Variants in LPCAT1 observed in about 807,000 individuals in gnomAD.
The protein encoded by LPCAT1 is lysophosphatidylcholine acyltransferase 1, also known as 1-acylglycerol-3-phosphate O-acyltransferase.
In LPCAT1, 23 loss-of-function variants were observed where a neutral mutation model predicts 60.9. That is an observed-to-expected ratio of 0.38 (90% confidence interval 0.27 to 0.53). LPCAT1 has a LOEUF of 0.53. Ranked by LOEUF, LPCAT1 falls within the 20% of genes least tolerant of loss-of-function variation. The pLI is 0.82. For missense variants in LPCAT1, 622 were observed against 723.6 expected, an observed-to-expected ratio of 0.86 and a Z score of 1.61; for synonymous variants, 340 against 301.1, an observed-to-expected ratio of 1.13 and a Z score of -1.34.
chr5:1,514,431 T>C (rs1736444280), intron 1 of LPCAT1, among the ~76,000 whole-genome samples: 1 of 152,216 alleles, frequency 6.6e-6, no homozygotes, highest in African/African-American at 2.4e-5. Flanking sequence ...TCTTCAGTAC[T>C]GTTCCTTCGA....
intron 1 of LPCAT1, among the ~76,000 whole-genome samples, chr5:1,509,680 A>G (rs1435092349): frequency 6.6e-6 from 1 of 152,064 alleles, no homozygotes; most frequent in Non-Finnish European, 1.5e-5. Flanking sequence ...CTCCCCAATC[A>G]CCAAAACACC....
chr5:1,473,395 C>T (rs1448888019), intron 11 of LPCAT1, among the ~76,000 whole-genome samples: 1 of 152,264 alleles, frequency 6.6e-6, no homozygotes, highest in Non-Finnish European at 1.5e-5. Context: ...CGTGCCACCT[C>T]GCACCTTCCT....
At chr5:1,492,962 G>T (rs192368833) in intron 3 of LPCAT1, among the ~76,000 whole-genome samples, 1 of 152,238 alleles carries the variant, frequency 6.6e-6, no homozygotes, top group African/African-American at 2.4e-5. Context: ...TGCCACAGTG[G>T]GGGGGCAAAT....
In LPCAT1 at chr5:1,523,579, A is replaced by AGGCGCCGCGGCTCGCAGGGC; in HGVS notation, c.135+111_135+130dup. 1 of 531,070 alleles carries AGGCGCCGCGGCTCGCAGGGC rather than the reference A, an allele frequency of 1.9e-6. No individual in the cohort carries two copies. 32.9% of individuals were successfully genotyped at this position (531,070 alleles called of 1,614,324 possible). A position where few individuals can be genotyped will look rare whatever the true frequency, so the allele number is the denominator to read the frequency against. On this transcript the variant is annotated intron_variant, in intron 1 of 13. Transcript: ENST00000283415. The surrounding 1 kb of genome is among the most constrained non-coding windows in gnomAD (Gnocchi z 7.1). ...ACTGAGGGGCGGCCGCGGGGAGGGA[A>AGGCGCCGCGGCTCGCAGGGC]GGCGCCGCGGCTCGCAGGGCCGCGC... is the stretch of plus-strand genomic sequence containing the variant.
chr5:1,462,605 G>A lies in LPCAT1; in HGVS notation c.*1046C>T, dbSNP rs10630. On this transcript the variant is annotated 3_prime_UTR_variant, in exon 14 of 14. Transcript: ENST00000283415. ...CTCTGCAGGAAGGTCAGCCATACTC[G>A]GGTGGCAGCGTGACGCCAGTCACCA... 0.68 allele frequency: 103,509 copies of A among 152,168 alleles called. 35,416 individuals carry two copies. Among genetic ancestry groups the A allele is most frequent in the South Asian group, 0.8 (3,852 of 4,814 alleles). 9.4% of individuals were successfully genotyped at this position (152,168 alleles called of 1,614,324 possible). A position where few individuals can be genotyped will look rare whatever the true frequency, so the allele number is the denominator to read the frequency against.
intron 2 of LPCAT1, among the ~76,000 whole-genome samples, chr5:1,500,226 T>C (rs1248091558): frequency 3.9e-5 from 6 of 152,194 alleles, no homozygotes; most frequent in African/African-American, 1.4e-4. Context: ...CATGGAAGGG[T>C]TGTCAGAGCT....
chr5:1,481,035 G>A lies in LPCAT1; in HGVS notation c.727-59C>T. 6.8e-7 allele frequency: 1 copy of A among 1,467,094 alleles called. No homozygotes were observed. Among genetic ancestry groups the A allele is most frequent in the South Asian group, 1.2e-5 (1 of 86,888 alleles). 90.9% of individuals were successfully genotyped at this position (1,467,094 alleles called of 1,614,324 possible). A position where few individuals can be genotyped will look rare whatever the true frequency, so the allele number is the denominator to read the frequency against. ...GGCCTGCACCCAGGGCCTGCACCAAGCACCTGCGTGTGCCGGCCTCTCCCT... is the reference window on the plus strand; with the variant it reads ...GGCCTGCACCCAGGGCCTGCACCAAACACCTGCGTGTGCCGGCCTCTCCCT... On this transcript the variant is annotated intron_variant, in intron 6 of 13. Coordinates refer to ENST00000283415, the MANE Select transcript of LPCAT1 (RefSeq NM_024830.5). The surrounding 1 kb of genome is among the most constrained non-coding windows in gnomAD (Gnocchi z 7.8).
At chr5:1,515,567 C>T (rs1268444672) in intron 1 of LPCAT1, among the ~76,000 whole-genome samples, 1 of 151,886 alleles carries the variant, frequency 6.6e-6, no homozygotes, top group African/African-American at 2.4e-5. Context: ...GGCCCAACCC[C>T]CTGGCCTGCC....
In LPCAT1 at chr5:1,474,546, A is replaced by G; in HGVS notation, c.1025+14T>C. The G allele has an allele frequency of 6.2e-7, 1 of 1,613,396 alleles. No individual in the cohort carries two copies. Among genetic ancestry groups the G allele is most frequent in the East Asian group, 2.2e-5 (1 of 44,884 alleles). ...TTCTAGCTAATGCTCAAGGAAGAAG[A>G]ACCAGGTACTCACCCGAGGCCCCGC... is the stretch of plus-strand genomic sequence containing the variant. On this transcript the variant is annotated intron_variant, in intron 10 of 13. Transcript: ENST00000283415.
At chr5:1,482,140 G>A (rs989465425) in intron 6 of LPCAT1, among the ~76,000 whole-genome samples, 6 of 129,742 alleles carry the variant, frequency 4.6e-5, no homozygotes, top group Admixed American at 7.0e-5. Context: ...CCAGTGGGCT[G>A]TGGGGACCTT....
In LPCAT1 at chr5:1,480,907, A is replaced by G; in HGVS notation, c.761+35T>C. The stretch of plus-strand genomic sequence containing the variant: ...GCAGCCCCTACGTGTTCATGGAACA[A>G]CAGGACAAAGAGGACGACACGGCGT... On this transcript the variant is annotated intron_variant, in intron 7 of 13. Coordinates refer to ENST00000283415, the MANE Select transcript of LPCAT1 (RefSeq NM_024830.5). The surrounding 1 kb of genome is among the most constrained non-coding windows in gnomAD (Gnocchi z 6.4). 1 of 1,613,556 alleles carries G rather than the reference A, an allele frequency of 6.2e-7. No individual in the cohort carries two copies. Among genetic ancestry groups the G allele is most frequent in the South Asian group, 1.1e-5 (1 of 91,086 alleles).
At chr5:1,469,470 C>A (rs1418699698) in intron 12 of LPCAT1, among the ~76,000 whole-genome samples, 1 of 152,246 alleles carries the variant, frequency 6.6e-6, no homozygotes, top group Non-Finnish European at 1.5e-5. Context: ...GGTGGCTCTA[C>A]AGCAGGGGCT....
intron 2 of LPCAT1, among the ~76,000 whole-genome samples, chr5:1,500,172 A>C (rs1483113232): frequency 2.0e-5 from 3 of 152,250 alleles, no homozygotes; most frequent in African/African-American, 7.2e-5. Context: ...TCTGAATAAA[A>C]GATTCAGGGA....
chr5:1,487,482 G>A lies in LPCAT1; in HGVS notation c.667+909C>T, dbSNP rs1028286521. 2.0e-5 allele frequency among the ~76,000 whole-genome samples: 3 copies of A among 152,188 alleles called. No individual in the cohort carries two copies. Among genetic ancestry groups the A allele is most frequent in the Admixed American group, 6.5e-5 (1 of 15,288 alleles). On this transcript the variant is annotated intron_variant, in intron 5 of 13. Coordinates refer to ENST00000283415, the MANE Select transcript of LPCAT1 (RefSeq NM_024830.5). The surrounding 1 kb of genome is among the most constrained non-coding windows in gnomAD (Gnocchi z 6.1). Reference sequence around the variant, plus strand: ...AGGAGGGTGGAGGGTGAAAGCACGCGCATCTGAGCTGGAGGAGGATGGCCA... The same window carrying A: ...AGGAGGGTGGAGGGTGAAAGCACGCACATCTGAGCTGGAGGAGGATGGCCA...
At chr5:1,514,367 A>AC (rs1736442289) in intron 1 of LPCAT1, among the ~76,000 whole-genome samples, 1 of 152,206 alleles carries the variant, frequency 6.6e-6, no homozygotes, top group Non-Finnish European at 1.5e-5. Flanking sequence ...CACGGGCCTC[A>AC]CAGCTTCACA....
chr5:1,476,527 A>G lies in LPCAT1; in HGVS notation c.899+877T>C, dbSNP rs1215685981. 6.6e-6 allele frequency among the ~76,000 whole-genome samples: 1 copy of G among 151,966 alleles called. No homozygotes were observed. The highest frequency in any genetic ancestry group is 2.4e-5 in the African/African-American group (1 of 41,322). ...CTGTGTTCCCCTCTGGGCTCTCTGG[A>G]GAGGCGAGTTCCCAGCCATGCCCCG... On this transcript the variant is annotated intron_variant, in intron 9 of 13. Transcript: ENST00000283415. The surrounding 1 kb of genome is among the most constrained non-coding windows in gnomAD (Gnocchi z 8.6).
chr5:1,474,703 C>G lies in LPCAT1; in HGVS notation c.900-18G>C, dbSNP rs374152702. 1.0e-5 allele frequency: 16 copies of G among 1,606,978 alleles called. No homozygotes were observed. The highest frequency in any genetic ancestry group is 1.7e-5 in the Admixed American group (1 of 59,464). On this transcript the variant is annotated intron_variant, in intron 9 of 13. Transcript: ENST00000283415. ...CCAAGGCCCTACAAGGAGGGCAGCACCCCCGTCAGCCCAGCCTCGTGGCAG... is the reference window on the plus strand; with the variant it reads ...CCAAGGCCCTACAAGGAGGGCAGCAGCCCCGTCAGCCCAGCCTCGTGGCAG...
chr5:1,474,061 CTCTT>C lies in LPCAT1; in HGVS notation c.1071_1074del (p.Arg358ProfsTer3). 1 of 1,614,222 alleles carries C rather than the reference CTCTT, an allele frequency of 6.2e-7. No individual in the cohort carries two copies. The highest frequency in any genetic ancestry group is 8.5e-7 in the Non-Finnish European group (1 of 1,180,038). On this transcript the variant is annotated frameshift_variant, in exon 11 of 14. Transcript: ENST00000283415. LOFTEE classifies it high-confidence loss of function. ...ATCTTCTCTCCTCCCTTCATCCTGG[CTCTT>C]TCTGAGTATCTGTCCAGATCTTTTT...
rs1222092891 is a variant in LPCAT1 at position 1,496,169 on chromosome 5, T to C, written c.279-1255A>G. Among the ~76,000 whole-genome samples, 1 of 152,188 alleles carries C rather than the reference T, an allele frequency of 6.6e-6. No homozygotes were observed. The highest frequency in any genetic ancestry group is 6.5e-5 in the Admixed American group (1 of 15,276). On this transcript the variant is annotated intron_variant, in intron 2 of 13. Transcript: ENST00000283415. This position sits in a 1 kb window ranked among gnomAD's most constrained non-coding sequence, Gnocchi z 4.7. ...TGAGGTCAGGAGCTCAAGACCAGCC[T>C]GGCCAACATGGTGAAACCCTGTCTC...
Sources: allele counts gnomAD v4.1 joint callset (sites outside exome capture counted in the v4.1 genomes callset), GRCh38; gene constraint gnomAD v4.1.1; non-coding constraint Gnocchi (gnomAD v3.1); transcripts MANE v1.5; gene names NCBI Gene and HGNC (gene_info 2026-07-23, HGNC 2026-07-21).